Variants in DENND11 observed in about 807,000 individuals in gnomAD.
DENND11 encodes the protein DENN domain containing 11, also known as DENN domain-containing protein 11.
In DENND11, 34 loss-of-function variants were observed where a neutral mutation model predicts 49.2. That is an observed-to-expected ratio of 0.69 (90% CI 0.53 to 0.92). The LOEUF (loss-of-function observed/expected upper bound fraction) is 0.92. Ranked by LOEUF, DENND11 falls within the 40% of genes least tolerant of loss-of-function variation. The pLI is 0.00. For missense variants in DENND11, 475 were observed against 581.6 expected (o/e 0.82, Z 1.88); for synonymous variants, 238 against 230.3 (o/e 1.03, Z -0.30).
intron 1 of DENND11, among the ~76,000 whole-genome samples, chr7:141,688,361 G>T (rs1046512930): frequency 5.9e-5 from 9 of 152,124 alleles, no homozygotes; most frequent in African/African-American, 2.2e-4. Flanking sequence ...AGGGCATCAG[G>T]GAATACACAA....
chr7:141,666,007 A>C (rs1274641405), intron 5 of DENND11, among the ~76,000 whole-genome samples: 1 of 149,864 alleles, frequency 6.7e-6, no homozygotes, highest in East Asian at 1.9e-4. Context: ...TTTACAACCC[A>C]ATCAGACAAC....
chr7:141,694,725 T>C (rs967173684), intron 1 of DENND11, among the ~76,000 whole-genome samples: 19 of 152,060 alleles, frequency 1.2e-4, no homozygotes, highest in Admixed American at 5.3e-4. Context: ...ATTAGGGAAT[T>C]TGACATTTGC....
chr7:141,691,008 G>A (rs1798319515), intron 1 of DENND11, among the ~76,000 whole-genome samples: 1 of 152,080 alleles, frequency 6.6e-6, no homozygotes, highest in Admixed American at 6.5e-5. Flanking sequence ...AGGTATATCA[G>A]GTGTGCAAGC....
Position 141,674,230 on chromosome 7 carries a change from AACACACACACACACACAC to A in DENND11, c.528-28_528-11del. ...CATCTCCAACTGGTGCCTGCAGAAA[AACACACACACACACACAC>A]ACACACACACAGTGAGAACAGCCCT... On this transcript the variant is annotated splice_polypyrimidine_tract_variant and intron_variant, in intron 3 of 8. Coordinates refer to ENST00000536163, the MANE Select transcript of DENND11 (RefSeq NM_001080392.2). The A allele has an allele frequency of 6.7e-7, 1 of 1,493,360 alleles. No individual in the cohort carries two copies. Among genetic ancestry groups the A allele is most frequent in the South Asian group, 1.3e-5 (1 of 76,468 alleles). 92.5% of individuals were successfully genotyped at this position (1,493,360 alleles called of 1,614,324 possible).
chr7:141,665,987 C>T (rs1797889082), intron 5 of DENND11, among the ~76,000 whole-genome samples: 1 of 151,442 alleles, frequency 6.6e-6, no homozygotes, highest in East Asian at 1.9e-4. Flanking sequence ...ACCTCACACA[C>T]ATCAGAACCT....
intron 4 of DENND11, among the ~76,000 whole-genome samples, chr7:141,667,382 T>A (rs1797911960): frequency 6.6e-6 from 1 of 152,194 alleles, no homozygotes; most frequent in African/African-American, 2.4e-5. Context: ...TGGGGAAAGT[T>A]AGCTAATGTT....
intron 3 of DENND11, among the ~76,000 whole-genome samples, chr7:141,680,082 C>G (rs370936270): frequency 6.6e-6 from 1 of 152,136 alleles, no homozygotes; most frequent in African/African-American, 2.4e-5. Flanking sequence ...TACAGATATA[C>G]CCCTCACGTG....
chr7:141,702,014 G>A lies in DENND11; in HGVS notation c.140C>T (p.Pro47Leu), dbSNP rs1798529610. Residue 47 changes from proline to leucine, a missense_variant, in exon 1 of 9, where the codon CCC (proline) becomes CTC (leucine). Transcript: ENST00000536163. ...GGGARPAAEPPRRREPEEPAA... is the reference protein window; with the variant it reads ...GGGARPAAEPLRRREPEEPAA... ...CGGCTCCTCGGGCTCCCGCCTCCGGGGCGGCTCCGCGGCCGGCCGGGCGCC... is the reference window on the plus strand; with the variant it reads ...CGGCTCCTCGGGCTCCCGCCTCCGGAGCGGCTCCGCGGCCGGCCGGGCGCC... The A allele has an allele frequency of 1.8e-6, 2 of 1,100,672 alleles. No individual in the cohort carries two copies. Among genetic ancestry groups the A allele is most frequent in the East Asian group, 1.0e-4 (2 of 19,762 alleles). 68.2% of individuals were successfully genotyped at this position (1,100,672 alleles called of 1,614,324 possible).
At chr7:141,701,769 G>A (rs1298786899) in intron 1 of DENND11, 117 bp downstream of exon 1, 6 of 881,916 alleles carry the variant, frequency 6.8e-6, no homozygotes, top group Non-Finnish European at 8.6e-6. Flanking sequence ...GCCGGCCCTG[G>A]TGCGGGGTGC....
intron 4 of DENND11, among the ~76,000 whole-genome samples, chr7:141,672,107 G>A (rs1366042262): frequency 1.3e-5 from 2 of 152,214 alleles, no homozygotes. Context: ...AGAGGTCCCA[G>A]CACAGATGCG....
Position 141,658,075 on chromosome 7 carries a change from A to G in DENND11, c.*4581T>C, listed in dbSNP as rs74400700. The G allele has an allele frequency of 6.6e-6, 1 of 152,228 alleles. No individual in the cohort carries two copies. Among genetic ancestry groups the G allele is most frequent in the African/African-American group, 2.4e-5 (1 of 41,454 alleles). The allele number at this position is 152,228 out of a possible 1,614,324, so 9.4% of individuals were successfully genotyped here. On this transcript the variant is annotated 3_prime_UTR_variant, in exon 9 of 9. Coordinates refer to ENST00000536163, the MANE Select transcript of DENND11 (RefSeq NM_001080392.2). ...TATTCACTCTCCAAATTATTTACAT[A>G]GTAAAACTTCTATGGGGTCTCAGCC...
Position 141,665,072 on chromosome 7 carries a change from A to G in DENND11, c.953-18T>C. 6.2e-7 allele frequency: 1 copy of G among 1,613,032 alleles called. No homozygotes were observed. The highest frequency in any genetic ancestry group is 8.5e-7 in the Non-Finnish European group (1 of 1,179,172). On this transcript the variant is annotated intron_variant, in intron 6 of 8. Coordinates refer to ENST00000536163, the MANE Select transcript of DENND11 (RefSeq NM_001080392.2). ...TGTGGTGCCTGTGGAACCCGGGGTT[A>G]GAGAGGTGGGAACCCACCCGACCCC...
chr7:141,680,801 T>C (rs1480727914), intron 3 of DENND11, among the ~76,000 whole-genome samples: 1 of 151,984 alleles, frequency 6.6e-6, no homozygotes, highest in Non-Finnish European at 1.5e-5. Flanking sequence ...AATGACATAA[T>C]GTAAGACTGA....
At chr7:141,685,323 G>T (rs1017117022) in intron 3 of DENND11, among the ~76,000 whole-genome samples, 155 bp downstream of exon 3, 1 of 152,108 alleles carries the variant, frequency 6.6e-6, no homozygotes, top group Non-Finnish European at 1.5e-5. Context: ...TGGCTGAAAC[G>T]AAAGGACACC....
chr7:141,672,383 C>A (rs942115832), intron 4 of DENND11, among the ~76,000 whole-genome samples: 2 of 152,200 alleles, frequency 1.3e-5, no homozygotes, highest in Non-Finnish European at 2.9e-5. Context: ...ACAAAGGGTT[C>A]TGACTTCCAT....
chr7:141,657,119 G>A lies in DENND11; in HGVS notation c.*5537C>T, dbSNP rs1487867792. On this transcript the variant is annotated 3_prime_UTR_variant, in exon 9 of 9. Coordinates refer to ENST00000536163, the MANE Select transcript of DENND11 (RefSeq NM_001080392.2). Reference sequence around the variant, plus strand: ...AAAATAGGATTTTTACATTTAAGGCGACAGGGAGGCTATGCTGATTCTAAC... The same window carrying A: ...AAAATAGGATTTTTACATTTAAGGCAACAGGGAGGCTATGCTGATTCTAAC... 3.3e-5 allele frequency: 5 copies of A among 152,636 alleles called. No individual in the cohort carries two copies. Among genetic ancestry groups the A allele is most frequent in the Admixed American group, 6.5e-5 (1 of 15,286 alleles). 9.5% of individuals were successfully genotyped at this position (152,636 alleles called of 1,614,324 possible). A position where few individuals can be genotyped will look rare whatever the true frequency, so the allele number is the denominator to read the frequency against.
intron 4 of DENND11, among the ~76,000 whole-genome samples, chr7:141,672,531 G>C (rs1319394610): frequency 3.3e-5 from 5 of 152,166 alleles, no homozygotes; most frequent in Admixed American, 3.3e-4. Context: ...CATCCCTCAA[G>C]AAATTCGATC....
chr7:141,669,034 C>A (rs1287026570), intron 4 of DENND11, among the ~76,000 whole-genome samples: 1 of 152,176 alleles, frequency 6.6e-6, no homozygotes, highest in South Asian at 2.1e-4. Context: ...CCCATGCCTG[C>A]CACTAGGGAA....
At chr7:141,663,921 C>A (rs2117050636) in intron 8 of DENND11, 1 of 445,092 alleles carries the variant, frequency 2.2e-6, no homozygotes, top group East Asian at 3.1e-5. Flanking sequence ...GATGTAAAAG[C>A]CCAACAAGGA....
Sources: gnomAD v4.1 joint callset for allele counts (sites outside exome capture counted in the v4.1 genomes callset) on GRCh38, gnomAD v4.1.1 for gene constraint, MANE v1.5 for transcripts, NCBI Gene and HGNC (gene_info 2026-07-23, HGNC 2026-07-21) for gene names.